Variants in RALA observed in about 807,000 individuals in gnomAD.
RALA encodes ras-related protein Ral-A.
In RALA, 5 loss-of-function variants were observed where a neutral mutation model predicts 24.0. That is an observed-to-expected ratio of 0.21 (90% CI 0.11 to 0.44). RALA has a LOEUF of 0.44. Ranked by LOEUF, RALA falls within the 20% of genes least tolerant of loss-of-function variation. The pLI, the probability that RALA is intolerant of heterozygous loss-of-function variation, is 0.99. For synonymous variants in RALA, 77 were observed against 83.8 expected (o/e 0.92, Z 0.44); for missense variants, 95 against 241.2 (o/e 0.39, Z 4.01).
intron 1 of RALA, among the ~76,000 whole-genome samples, chr7:39,652,165 G>A (rs564530316): frequency 1.3e-5 from 2 of 152,244 alleles, no homozygotes; most frequent in South Asian, 2.1e-4. Context: ...AGCAAGAGAG[G>A]GTGAAAGGGC....
rs1793134102 is a variant in RALA at position 39,707,214 on chromosome 7, G to A, written c.*969G>A. 6.6e-6 allele frequency: 1 copy of A among 152,236 alleles called. No individual in the cohort carries two copies. 9.4% of individuals were successfully genotyped at this position (152,236 alleles called of 1,614,324 possible). ...GGTCCCTGGAAATCCCTTTCTGCTA[G>A]TGGTGAGCATGTAAGTGTTAAGTTT... On this transcript the variant is annotated 3_prime_UTR_variant, in exon 5 of 5. Coordinates refer to ENST00000005257, the MANE Select transcript of RALA (RefSeq NM_005402.4).
intron 1 of RALA, among the ~76,000 whole-genome samples, chr7:39,644,063 TGA>T (rs921706294): frequency 1.3e-5 from 2 of 152,162 alleles, no homozygotes; most frequent in Non-Finnish European, 2.9e-5. Context: ...GAGGAATTTG[TGA>T]GAGAGACAAA....
chr7:39,675,322 A>G (rs1391386625), intron 1 of RALA, among the ~76,000 whole-genome samples: 1 of 152,026 alleles, frequency 6.6e-6, no homozygotes, highest in Non-Finnish European at 1.5e-5. Context: ...CAGGTGTAGA[A>G]TTTTCTACTT....
At chr7:39,705,618 T>C (rs1358830262) in intron 4 of RALA, among the ~76,000 whole-genome samples, 1 of 152,184 alleles carries the variant, frequency 6.6e-6, no homozygotes, top group Non-Finnish European at 1.5e-5. Context: ...AGTTGTTTCA[T>C]AGTGTCTGGT....
chr7:39,691,274 GT>G (rs1792814035), intron 3 of RALA, among the ~76,000 whole-genome samples: 1 of 152,130 alleles, frequency 6.6e-6, no homozygotes, highest in African/African-American at 2.4e-5. Context: ...TTCTTGCGTG[GT>G]CTTGCAAATA....
At chr7:39,690,352 A>T (rs776827011) in intron 2 of RALA, 30 bp from the exon 3 acceptor site, 5 of 1,551,136 alleles carry the variant, frequency 3.2e-6, no homozygotes, top group Non-Finnish European at 4.4e-6. Context: ...CGTAATAATT[A>T]AAAAATTGGT....
intron 1 of RALA, among the ~76,000 whole-genome samples, chr7:39,681,003 T>A (rs1390382959): frequency 1.3e-5 from 2 of 152,182 alleles, no homozygotes; most frequent in Non-Finnish European, 2.9e-5. Context: ...TTGCATTGTC[T>A]TACCTCCCAT....
chr7:39,625,318 G>T (rs1462214860), intron 1 of RALA, among the ~76,000 whole-genome samples: 1 of 152,154 alleles, frequency 6.6e-6, no homozygotes, highest in East Asian at 1.9e-4. Flanking sequence ...ATTGTGCTGG[G>T]CATTATAACT....
intron 3 of RALA, among the ~76,000 whole-genome samples, chr7:39,692,601 C>T (rs1208846955): frequency 1.3e-5 from 2 of 152,050 alleles, no homozygotes; most frequent in Non-Finnish European, 2.9e-5. Context: ...CTAGTAAAAC[C>T]AATCTATTAA....
At position 39,686,664 on chromosome 7, in the gene RALA, C is replaced by G. The variant is rs1019137282; in HGVS notation, c.-4C>G. On this transcript the variant is annotated 5_prime_UTR_variant, in exon 2 of 5. Transcript: ENST00000005257. ...TAATCCTTTGGTGAAAACTGAGACA[C>G]AAAATGGCTGCAAATAAGCCCAAGG... The G allele has an allele frequency of 1.2e-6, 2 of 1,610,812 alleles. No individual in the cohort carries two copies. Among genetic ancestry groups the G allele is most frequent in the Non-Finnish European group, 1.7e-6 (2 of 1,176,964 alleles).
intron 4 of RALA, chr7:39,697,520 AATCTTAAAG>A: frequency 2.2e-6 from 1 of 452,594 alleles, no homozygotes; most frequent in Non-Finnish European, 4.4e-6. Context: ...GGTAGCACAG[AATCTTAAAG>A]GCCTCCAAGT....
chr7:39,628,386 C>CACAT (rs1344075604), intron 1 of RALA, among the ~76,000 whole-genome samples: 2 of 143,396 alleles, frequency 1.4e-5, no homozygotes, highest in Non-Finnish European at 3.0e-5. Flanking sequence ...TACACACACA[C>CACAT]ACACACACAC....
intron 1 of RALA, among the ~76,000 whole-genome samples, chr7:39,666,362 G>T (rs781379148): frequency 6.6e-6 from 1 of 152,180 alleles, no homozygotes; most frequent in Non-Finnish European, 1.5e-5. Flanking sequence ...GCCTGTGTGT[G>T]TTGGAAGGTG....
intron 1 of RALA, among the ~76,000 whole-genome samples, chr7:39,628,936 A>G (rs1448081831): frequency 6.6e-6 from 1 of 152,246 alleles, no homozygotes; most frequent in African/African-American, 2.4e-5. Flanking sequence ...GTGAAAAGAT[A>G]AAATACATAA....
intron 1 of RALA, among the ~76,000 whole-genome samples, chr7:39,635,975 G>T (rs1008587399): frequency 6.6e-6 from 1 of 152,140 alleles, no homozygotes; most frequent in African/African-American, 2.4e-5. Flanking sequence ...GTGGTCTTTT[G>T]TGTCTGGCTA....
chr7:39,623,686 C>A lies in RALA; in HGVS notation c.-177C>A. 6.4e-6 allele frequency: 1 copy of A among 156,420 alleles called. No individual in the cohort carries two copies. Among genetic ancestry groups the A allele is most frequent in the South Asian group, 1.8e-4 (1 of 5,612 alleles). The allele number at this position is 156,420 out of a possible 1,614,324, so 9.7% of individuals were successfully genotyped here. A position where few individuals can be genotyped will look rare whatever the true frequency, so the allele number is the denominator to read the frequency against. On this transcript the variant is annotated 5_prime_UTR_variant, in exon 1 of 5. Transcript: ENST00000005257. This position sits in a 1 kb window ranked among gnomAD's most constrained non-coding sequence, Gnocchi z 4.9. Reference sequence around the variant, plus strand: ...CCTCCTCCTCCAGCCGCCCAGGCTCCCCCGCCACCCGTCAGACTCCTCCTT... The same window carrying A: ...CCTCCTCCTCCAGCCGCCCAGGCTCACCCGCCACCCGTCAGACTCCTCCTT...
intron 1 of RALA, among the ~76,000 whole-genome samples, chr7:39,632,412 T>G (rs1351530929): frequency 6.6e-6 from 1 of 152,230 alleles, no homozygotes; most frequent in Non-Finnish European, 1.5e-5. Context: ...CTTCATTGTA[T>G]TATCTTCACC....
intron 1 of RALA, among the ~76,000 whole-genome samples, chr7:39,641,023 C>G (rs1791806582): frequency 6.6e-6 from 1 of 152,122 alleles, no homozygotes; most frequent in Non-Finnish European, 1.5e-5. Flanking sequence ...CCTCACTAGC[C>G]CTATCAGAAG....
chr7:39,634,427 C>T (rs1314205134), intron 1 of RALA, among the ~76,000 whole-genome samples: 3 of 152,206 alleles, frequency 2.0e-5, no homozygotes, highest in Non-Finnish European at 4.4e-5. Flanking sequence ...TGATGGCACA[C>T]TTCAGCAGGA....
Sources: allele counts gnomAD v4.1 joint callset (sites outside exome capture counted in the v4.1 genomes callset), GRCh38; gene constraint gnomAD v4.1.1; non-coding constraint Gnocchi (gnomAD v3.1); transcripts MANE v1.5; gene names NCBI Gene and HGNC (gene_info 2026-07-23, HGNC 2026-07-21).